The following MUCL3 variants were observed in gnomAD, a reference collection of about 807,000 sequenced individuals.
The protein encoded by MUCL3 is mucin like 3.
Under a neutral mutation model 70.2 loss-of-function variants are expected in MUCL3, and 42 were observed. The ratio of observed to expected loss-of-function variants is 0.60; its 90% CI spans 0.47 to 0.77. MUCL3 has a LOEUF of 0.77. Ranked by LOEUF, MUCL3 falls within the 30% of genes least tolerant of loss-of-function variation. The probability of loss-of-function intolerance (pLI) is 0.00; values close to 1 mark genes in which losing one functional copy is unlikely to be tolerated. For missense variants in MUCL3, 1,429 were observed against 1,670.0 expected, an observed-to-expected ratio of 0.86 and a Z score of 2.52; for synonymous variants, 522 against 647.0, an observed-to-expected ratio of 0.81 and a Z score of 2.93.
chr6:30,946,960 T>C (rs1472273672), intron 1 of MUCL3, among the ~76,000 whole-genome samples: 1 of 152,228 alleles, frequency 6.6e-6, no homozygotes, highest in African/African-American at 2.4e-5. Flanking sequence ...TGTCTCATTG[T>C]AGAGCTCTAG....
intron 1 of MUCL3, among the ~76,000 whole-genome samples, chr6:30,942,540 A>G (rs1281052142): frequency 1.3e-5 from 2 of 152,152 alleles, no homozygotes; most frequent in Non-Finnish European, 2.9e-5. Context: ...GTGAATGGCG[A>G]TGACTGAGGA....
chr6:30,952,046 C>T lies in MUCL3; in HGVS notation c.3582C>T (p.Thr1194=), dbSNP rs992330357. The change falls in exon 2 of 3, where the codon ACC becomes ACT. Residue 1194 remains threonine, a synonymous_variant. Transcript: ENST00000462446. ...PEKPTLYSEK[T]ICTKGKNTPV... Reference sequence around the variant, plus strand: ...AGCCTACGCTATACTCAGAGAAGACCATATGCACCAAAGGGAAAAACACAC... The same window carrying T: ...AGCCTACGCTATACTCAGAGAAGACTATATGCACCAAAGGGAAAAACACAC... 3 of 1,610,884 alleles carry T rather than the reference C, an allele frequency of 1.9e-6. No homozygotes were observed. In the African/African-American group the frequency reaches 4.0e-5, roughly 22 times the overall value.
Position 30,951,485 on chromosome 6 carries a change from G to A in MUCL3, c.3021G>A (p.Arg1007=). The change falls in exon 2 of 3, where the codon AGG becomes AGA. Residue 1007 remains arginine (R), a synonymous_variant. Coordinates refer to ENST00000462446, the MANE Select transcript of MUCL3 (RefSeq NM_080870.4). ...SPTESTEHGE[R]TANEKTTPSP... is the part of the protein sequence containing the mutation. ...CAGAGTCTACAGAACATGGAGAAAG[G>A]ACAGCCAATGAGAAGACCACACCAT... 1 of 1,544,706 alleles carries A rather than the reference G, an allele frequency of 6.5e-7. No individual in the cohort carries two copies. Among genetic ancestry groups the A allele is most frequent in the Non-Finnish European group, 8.7e-7 (1 of 1,145,144 alleles).
At chr6:30,952,559 T>A in intron 2 of MUCL3, 60 bp downstream of exon 2, 2 of 1,507,830 alleles carry the variant, frequency 1.3e-6, no homozygotes, top group Non-Finnish European at 1.8e-6. Context: ...GAGGATACAT[T>A]AGGGGTCAGA....
rs368675762 is a variant in MUCL3 at position 30,948,650 on chromosome 6, C to T, written c.186C>T (p.His62=). ...TTGTTTATAGTATCCCTTTTGATCA[C>T]ATTGTTCTGCATTCAGGACAAAGAC... ...PGLVYSIPFD[H]IVLHSGQRPP... is the part of the protein sequence containing the mutation. The change falls in exon 2 of 3, where the codon CAC becomes CAT. Residue 62 remains histidine, a synonymous_variant. Coordinates refer to ENST00000462446, the MANE Select transcript of MUCL3 (RefSeq NM_080870.4). The T allele has an allele frequency of 3.2e-6, 5 of 1,551,672 alleles. No homozygotes were observed. The South Asian group carries it at 3.6e-5, about 11-fold the overall frequency.
intron 1 of MUCL3, among the ~76,000 whole-genome samples, chr6:30,941,534 A>G: frequency 7.0e-6 from 1 of 142,924 alleles, no homozygotes; most frequent in East Asian, 2.0e-4. Context: ...ATCTTGGCTC[A>G]CTGCAGCCTC....
At chr6:30,941,192 G>A in intron 1 of MUCL3, 111 bp downstream of exon 1, 2 of 1,318,452 alleles carry the variant, frequency 1.5e-6, no homozygotes, top group Non-Finnish European at 2.1e-6. Flanking sequence ...GGCTGCTACA[G>A]ACAGTTGTCT....
Position 30,951,523 on chromosome 6 carries a change from C to T in MUCL3, c.3059C>T (p.Pro1020Leu). ...NEKTTPSPAE[P>L]TEHGERTPSA... ...AAGACCACACCATCCCCAGCAGAGC[C>T]TACAGAACATGGAGAAAGGACACCA... The change falls in exon 2 of 3, where the codon CCT (proline) becomes CTT (leucine). Residue 1020 changes from proline to leucine, a missense_variant. By Grantham distance (98) the Pro-to-Leu change is moderately conservative (BLOSUM62 -3). Transcript: ENST00000462446. 1.3e-6 allele frequency: 2 copies of T among 1,552,094 alleles called. No homozygotes were observed. The highest frequency in any genetic ancestry group is 1.7e-6 in the Non-Finnish European group (2 of 1,147,142).
At chr6:30,946,433 T>G (rs1011114660) in intron 1 of MUCL3, 1 of 152,246 alleles carries the variant, frequency 6.6e-6, no homozygotes, top group African/African-American at 2.4e-5. Flanking sequence ...TTAAGGCCAG[T>G]GGAAAATGCC....
At chr6:30,952,810 G>T (rs899993500) in intron 2 of MUCL3, among the ~76,000 whole-genome samples, 161 bp from the exon 3 acceptor site, 1 of 152,112 alleles carries the variant, frequency 6.6e-6, no homozygotes, top group African/African-American at 2.4e-5. Context: ...GGTAGAGTGG[G>T]GAACTGGAGA....
At chr6:30,947,883 T>C (rs1352298000) in intron 1 of MUCL3, among the ~76,000 whole-genome samples, 4 of 152,088 alleles carry the variant, frequency 2.6e-5, no homozygotes, top group African/African-American at 9.7e-5. Context: ...CCTCCATTCT[T>C]CTTATACATC....
At chr6:30,943,870 T>C (rs1179032538) in intron 1 of MUCL3, among the ~76,000 whole-genome samples, 2 of 151,632 alleles carry the variant, frequency 1.3e-5, no homozygotes, top group Non-Finnish European at 2.9e-5. Flanking sequence ...TTTTTTTTTT[T>C]GTAGAGACAG....
At position 30,951,952 on chromosome 6, in the gene MUCL3, C is replaced by T. The variant is rs1760729857; in HGVS notation, c.3488C>T (p.Thr1163Ile). 6.2e-7 allele frequency: 1 copy of T among 1,611,914 alleles called. No individual in the cohort carries two copies. Among genetic ancestry groups the T allele is most frequent in the South Asian group, 1.1e-5 (1 of 90,888 alleles). The change falls in exon 2 of 3, where the codon ACA (threonine) becomes ATA (isoleucine). Residue 1163 changes from threonine (T) to isoleucine (I), a missense_variant. By Grantham distance (89) the Thr-to-Ile change is moderately conservative (BLOSUM62 -1). Coordinates refer to ENST00000462446, the MANE Select transcript of MUCL3 (RefSeq NM_080870.4). Reference sequence around the variant, plus strand: ...GCCCATGAGAAGATGACACAAGTCACAGAAAAGTCCACAGAACACCCAGAA... The same window carrying T: ...GCCCATGAGAAGATGACACAAGTCATAGAAAAGTCCACAGAACACCCAGAA... The part of the protein sequence containing the change: ...TLAHEKMTQV[T>I]EKSTEHPEKT...
chr6:30,951,391 C>T lies in MUCL3; in HGVS notation c.2927C>T (p.Ser976Phe), dbSNP rs1215237792. The change falls in exon 2 of 3, where the codon TCC becomes TTC. Residue 976 changes from serine (S) to phenylalanine (F), a missense_variant. Transcript: ENST00000462446. ...ETTVNEDTTP[S>F]SAEPTENGER... is the part of the protein sequence containing the mutation. ...ACAGTCAATGAGGACACCACACCAT[C>T]CTCAGCAGAGCCTACAGAAAATGGA... 13 of 1,546,918 alleles carry T rather than the reference C, an allele frequency of 8.4e-6. No individual in the cohort carries two copies. The highest frequency in any genetic ancestry group is 9.6e-6 in the Non-Finnish European group (11 of 1,144,030).
Position 30,950,781 on chromosome 6 carries a change from A to T in MUCL3, c.2317A>T (p.Thr773Ser). ...CAGGACTCCATTGGCCAATGAGAAG[A>T]CCACACCATCTCTAGCAGAGCCTAC... Reference protein sequence around the residue: ...GDRTPLANEKTTPSLAEPTEN... With the variant: ...GDRTPLANEKSTPSLAEPTEN... Residue 773 changes from threonine (T) to serine (S), a missense_variant, in exon 2 of 3, where the codon ACC (threonine) becomes TCC (serine). By Grantham distance (58) the Thr-to-Ser change is moderately conservative (BLOSUM62 1). Transcript: ENST00000462446. The T allele has an allele frequency of 6.5e-7, 1 of 1,549,480 alleles. No individual in the cohort carries two copies. Among genetic ancestry groups the T allele is most frequent in the Non-Finnish European group, 8.7e-7 (1 of 1,146,736 alleles).
chr6:30,946,306 A>C (rs928174241), intron 1 of MUCL3: 3 of 152,242 alleles, frequency 2.0e-5, no homozygotes, highest in Non-Finnish European at 4.4e-5. Context: ...TGGTGCAGTC[A>C]GCATCATGGT....
chr6:30,942,703 C>T (rs1795628351), intron 1 of MUCL3, among the ~76,000 whole-genome samples: 1 of 152,246 alleles, frequency 6.6e-6, no homozygotes. Context: ...CTTCCCCTTC[C>T]TCTCAGGCGG....
chr6:30,952,601 A>G, intron 2 of MUCL3, 102 bp downstream of exon 2: 1 of 1,303,958 alleles, frequency 7.7e-7, no homozygotes, highest in Non-Finnish European at 1.0e-6. Flanking sequence ...AGGAAAAGAG[A>G]CATGGCAGAA....
Position 30,951,524 on chromosome 6 carries a change from T to G in MUCL3, c.3060T>G (p.Pro1020=). The G allele has an allele frequency of 1.9e-6, 3 of 1,550,778 alleles. No individual in the cohort carries two copies. The highest frequency in any genetic ancestry group is 2.6e-6 in the Non-Finnish European group (3 of 1,146,980). Residue 1020 remains proline (P), a synonymous_variant, in exon 2 of 3, where the codon CCT becomes CCG. Coordinates refer to ENST00000462446, the MANE Select transcript of MUCL3 (RefSeq NM_080870.4). ...AGACCACACCATCCCCAGCAGAGCC[T>G]ACAGAACATGGAGAAAGGACACCAT... ...NEKTTPSPAE[P]TEHGERTPSA... is the part of the protein sequence containing the mutation.
Sources: allele counts gnomAD v4.1 joint callset (sites outside exome capture counted in the v4.1 genomes callset), GRCh38; gene constraint gnomAD v4.1.1; transcripts MANE v1.5; gene names NCBI Gene and HGNC (gene_info 2026-07-23, HGNC 2026-07-21).